RGPD8: variants seen among roughly 807,000 people sequenced by gnomAD.
RGPD8 encodes RANBP2 like and GRIP domain containing 8.
Under a neutral mutation model 89.1 loss-of-function variants are expected in RGPD8, and 15 were observed. The ratio of observed to expected loss-of-function variants is 0.17; its 90% CI spans 0.11 to 0.26. RGPD8 has a LOEUF of 0.26. Ranked by LOEUF, RGPD8 falls within the 10% of genes least tolerant of loss-of-function variation. RGPD8 has a pLI of 1.00. For synonymous variants in RGPD8, 62 were observed against 420.9 expected, an observed-to-expected ratio of 0.15 and a Z score of 10.44; for missense variants, 178 against 1,179.6, an observed-to-expected ratio of 0.15 and a Z score of 12.44.
chr2:112,380,433 C>A (rs1211503807), intron 21 of RGPD8, among the ~76,000 whole-genome samples: 2 of 135,828 alleles, frequency 1.5e-5, no homozygotes, highest in Admixed American at 1.5e-4. Context: ...GCAGGTGGAT[C>A]ACGAGGTCAG....
At chr2:112,382,226 T>C (rs1678331031) in intron 20 of RGPD8, among the ~76,000 whole-genome samples, 1 of 152,308 alleles carries the variant, frequency 6.6e-6, no homozygotes, top group African/African-American at 2.4e-5. Flanking sequence ...AGTGATCGTG[T>C]AAGGTAATAC....
intron 6 of RGPD8, among the ~76,000 whole-genome samples, chr2:112,416,395 A>C (rs1679419096): frequency 1.3e-5 from 2 of 150,642 alleles, no homozygotes; most frequent in African/African-American, 4.9e-5. Flanking sequence ...TTAACTTCCA[A>C]ACAAATGGAC....
chr2:112,373,391 T>A (rs1485164788), intron 22 of RGPD8, among the ~76,000 whole-genome samples: 1 of 152,298 alleles, frequency 6.6e-6, no homozygotes, highest in African/African-American at 2.4e-5. Context: ...TATGTGTTTA[T>A]TATAAAGATT....
chr2:112,390,836 T>C, intron 19 of RGPD8, 139 bp downstream of exon 19: 1 of 904,254 alleles, frequency 1.1e-6, no homozygotes. Flanking sequence ...TTTCTGTATT[T>C]GGAGATAAAT....
intron 1 of RGPD8, among the ~76,000 whole-genome samples, chr2:112,430,567 TTC>T (rs1395171329): frequency 5.9e-5 from 9 of 152,120 alleles, no homozygotes; most frequent in African/African-American, 2.2e-4. Context: ...ACATTCTGAC[TTC>T]TGTCTAGACC....
chr2:112,429,430 A>G (rs1440518388), intron 1 of RGPD8, among the ~76,000 whole-genome samples: 16 of 150,318 alleles, frequency 1.1e-4, no homozygotes, highest in African/African-American at 3.4e-4. Context: ...AAAAAAAAAA[A>G]AAAAAAAGAA....
At chr2:112,424,544 A>G (rs1679679716) in intron 1 of RGPD8, among the ~76,000 whole-genome samples, 1 of 151,840 alleles carries the variant, frequency 6.6e-6, no homozygotes, top group Admixed American at 6.6e-5. Context: ...ACATGGTGAA[A>G]CCCCGTCTCT....
At chr2:112,430,433 A>G (rs184051835) in intron 1 of RGPD8, among the ~76,000 whole-genome samples, 1 of 148,004 alleles carries the variant, frequency 6.8e-6, no homozygotes, top group Non-Finnish European at 1.5e-5. Context: ...TTCTAATGTA[A>G]ATGACTTTAA....
intron 7 of RGPD8, among the ~76,000 whole-genome samples, chr2:112,408,519 G>A (rs371638017): frequency 7.0e-6 from 1 of 141,906 alleles, no homozygotes; most frequent in African/African-American, 2.7e-5. Flanking sequence ...AGCACACAAA[G>A]TAAGAAACAA....
rs1413953643 is a variant in RGPD8, at chr2:112,432,999, A to G, written c.72+383T>C. On this transcript the variant is annotated intron_variant, in intron 1 of 22. Coordinates refer to ENST00000302558, the MANE Select transcript of RGPD8 (RefSeq NM_001164463.1). The stretch of plus-strand genomic sequence containing the variant: ...GCCGCCTCAACAGAGCGCGCCAGGG[A>G]GCAGCGCCCTCGGGAGCCATGACCC... 2.3e-5 allele frequency among the ~76,000 whole-genome samples: 2 copies of G among 87,064 alleles called. 1 individual carries two copies. Among genetic ancestry groups the G allele is most frequent in the Non-Finnish European group, 6.0e-5 (2 of 33,060 alleles). 57.1% of individuals were successfully genotyped at this position (87,064 alleles called of 152,430 possible).
In RGPD8 at chr2:112,427,811, T is replaced by C. The variant is rs1413869788; in HGVS notation, c.73-3504A>G. Among the ~76,000 whole-genome samples the C allele has an allele frequency of 4.5e-4, 69 of 152,098 alleles. No individual in the cohort carries two copies. The South Asian group carries it at 0.012, about 27-fold the overall frequency. The stretch of plus-strand genomic sequence containing the variant: ...GGAGTCCCAACAAGGGTGAAGGCCG[T>C]GATTATACAGGACAATGAGGAAAAG... On this transcript the variant is annotated intron_variant, in intron 1 of 22. Transcript: ENST00000302558.
intron 2 of RGPD8, among the ~76,000 whole-genome samples, 185 bp from the exon 3 acceptor site, chr2:112,422,844 C>T (rs1199840491): frequency 6.5e-5 from 2 of 30,678 alleles, no homozygotes; most frequent in African/African-American, 2.8e-4. Flanking sequence ...CTTAAAAACA[C>T]GTACATAGAG....
chr2:112,415,227 CA>C (rs1220999802), intron 6 of RGPD8, among the ~76,000 whole-genome samples: 1 of 151,870 alleles, frequency 6.6e-6, no homozygotes, highest in Non-Finnish European at 1.5e-5. Flanking sequence ...ACTAAAAATA[CA>C]AAAAAAATTA....
intron 1 of RGPD8, among the ~76,000 whole-genome samples, chr2:112,429,750 G>A (rs1180914404): frequency 6.6e-6 from 1 of 152,138 alleles, no homozygotes; most frequent in Non-Finnish European, 1.5e-5. Flanking sequence ...ACAGAACATA[G>A]AAAAACTAAA....
chr2:112,410,664 G>C lies in RGPD8; in HGVS notation c.978+1767C>G, dbSNP rs1475681311. Among the ~76,000 whole-genome samples the C allele has an allele frequency of 1.9e-4, 29 of 151,286 alleles. 1 individual carries two copies. Among genetic ancestry groups the C allele is most frequent in the South Asian group, 6.2e-4 (3 of 4,826 alleles). On this transcript the variant is annotated intron_variant, in intron 7 of 22. Transcript: ENST00000302558. ...ATGGTGGTGTGTGCCTGTAATCCCA[G>C]ATACGTGACAGGCTGAAGCAGGAGA...
intron 7 of RGPD8, among the ~76,000 whole-genome samples, chr2:112,408,871 C>T (rs1323952809): frequency 1.3e-5 from 2 of 151,902 alleles, no homozygotes; most frequent in Non-Finnish European, 2.9e-5. Context: ...GGGGTTTGAC[C>T]ATGTTGGTCA....
At chr2:112,371,086 T>C (rs1173059859) in intron 22 of RGPD8, among the ~76,000 whole-genome samples, 2 of 151,112 alleles carry the variant, frequency 1.3e-5, no homozygotes, top group African/African-American at 2.4e-5. Context: ...CAGAAGCTTA[T>C]ATACAACTTA....
intron 1 of RGPD8, among the ~76,000 whole-genome samples, chr2:112,430,933 G>A (rs922691144): frequency 6.6e-6 from 1 of 152,120 alleles, no homozygotes; most frequent in African/African-American, 2.4e-5. Flanking sequence ...CTCCAGCCTG[G>A]GAGACAGAAA....
chr2:112,410,946 G>C (rs1404291382), intron 7 of RGPD8, among the ~76,000 whole-genome samples: 1 of 152,230 alleles, frequency 6.6e-6, no homozygotes, highest in South Asian at 2.1e-4. Context: ...TTAGATGGGC[G>C]TGGTGGCGTG....
Sources: allele counts gnomAD v4.1 joint callset (sites outside exome capture counted in the v4.1 genomes callset), GRCh38; gene constraint gnomAD v4.1.1; transcripts MANE v1.5; gene names NCBI Gene and HGNC (gene_info 2026-07-23, HGNC 2026-07-21).